ARHGAP24: variants seen among roughly 807,000 people sequenced by gnomAD.
ARHGAP24 encodes Rho GTPase activating protein 24.
A neutral mutation model predicts 76.4 loss-of-function variants in ARHGAP24; 50 were observed. The ratio of observed to expected loss-of-function variants is 0.65; its 90% CI spans 0.52 to 0.83. ARHGAP24 has a LOEUF of 0.83. ARHGAP24 is among the 40% of genes least tolerant of loss of function. The pLI is 0.00. For synonymous variants in ARHGAP24, 345 were observed against 323.3 expected (o/e 1.07, Z -0.72); for missense variants, 930 against 914.2 (o/e 1.02, Z -0.22).
chr4:85,656,267 T>A (rs1722166244), intron 2 of ARHGAP24, among the ~76,000 whole-genome samples: 1 of 152,178 alleles, frequency 6.6e-6, no homozygotes, highest in African/African-American at 2.4e-5. Flanking sequence ...CCACTGAATT[T>A]GAAATTAAAA....
intron 2 of ARHGAP24, among the ~76,000 whole-genome samples, chr4:85,709,739 A>G (rs1724454773): frequency 6.6e-6 from 1 of 152,192 alleles, no homozygotes; most frequent in Non-Finnish European, 1.5e-5. Flanking sequence ...AACAACTGTC[A>G]AGACACAAAC....
rs1234188635 is a variant in ARHGAP24 at position 85,711,587 on chromosome 4, T to C, written c.181-10298T>C. Among the ~76,000 whole-genome samples the C allele has an allele frequency of 2.6e-5, 4 of 152,288 alleles. No individual in the cohort carries two copies. The East Asian group carries it at 7.7e-4, about 29-fold the overall frequency. ...GCAACTGTGTGATTAAGTCCCAAAT[T>C]GCTTCTTCCTGCTGAGACATTGTTC... On this transcript the variant is annotated intron_variant, in intron 2 of 9. Transcript: ENST00000395184.
intron 2 of ARHGAP24, among the ~76,000 whole-genome samples, chr4:85,639,698 A>G (rs930238243): frequency 3.0e-4 from 14 of 46,560 alleles, no homozygotes; most frequent in Non-Finnish European, 6.1e-4. Context: ...GGAGGGAATA[A>G]TTGGTAAAAA....
At chr4:85,823,784 A>C (rs1729581634) in intron 3 of ARHGAP24, among the ~76,000 whole-genome samples, 1 of 152,100 alleles carries the variant, frequency 6.6e-6, no homozygotes, top group South Asian at 2.1e-4. Flanking sequence ...GAGTTCACAA[A>C]GGGATAATCT....
At chr4:85,623,829 A>G (rs912796274) in intron 2 of ARHGAP24, among the ~76,000 whole-genome samples, 1 of 150,972 alleles carries the variant, frequency 6.6e-6, no homozygotes, top group Admixed American at 6.7e-5. Flanking sequence ...TTGGATTCCT[A>G]GGTATTTTAT....
chr4:85,910,898 G>A (rs1735038305), intron 3 of ARHGAP24, among the ~76,000 whole-genome samples: 1 of 151,976 alleles, frequency 6.6e-6, no homozygotes, highest in African/African-American at 2.4e-5. Flanking sequence ...GGCCTCACCC[G>A]AGACCCACCC....
intron 1 of ARHGAP24, among the ~76,000 whole-genome samples, chr4:85,544,768 A>T (rs1460467839): frequency 6.6e-6 from 1 of 152,196 alleles, no homozygotes; most frequent in Non-Finnish European, 1.5e-5. Context: ...TTAAAATATG[A>T]TGGATTCCAG....
At chr4:85,906,841 A>G (rs1024408358) in intron 3 of ARHGAP24, among the ~76,000 whole-genome samples, 2 of 152,092 alleles carry the variant, frequency 1.3e-5, no homozygotes, top group South Asian at 4.1e-4. Context: ...TTTTTTTTAT[A>G]TTTAAACAGG....
chr4:85,718,101 G>A lies in ARHGAP24; in HGVS notation c.181-3784G>A, dbSNP rs1724798895. On this transcript the variant is annotated intron_variant, in intron 2 of 9. Coordinates refer to ENST00000395184, the MANE Select transcript of ARHGAP24 (RefSeq NM_001025616.3). ...TTATCTCTTAGGTATTTGCCCTAAAGGAATACATTAGGGAGAAGCTCAAAG... is the reference window on the plus strand; with the variant it reads ...TTATCTCTTAGGTATTTGCCCTAAAAGAATACATTAGGGAGAAGCTCAAAG... Among the ~76,000 whole-genome samples the A allele has an allele frequency of 2.6e-5, 4 of 152,062 alleles. No individual in the cohort carries two copies. The South Asian group carries it at 8.3e-4, about 32-fold the overall frequency.
chr4:85,996,008 G>C (rs1415355832), intron 9 of ARHGAP24, among the ~76,000 whole-genome samples: 1 of 152,328 alleles, frequency 6.6e-6, no homozygotes, highest in East Asian at 1.9e-4. Flanking sequence ...GAGATGGACA[G>C]AGCATTAGGA....
intron 3 of ARHGAP24, among the ~76,000 whole-genome samples, chr4:85,895,158 C>T (rs1018310170): frequency 2.0e-5 from 3 of 151,908 alleles, no homozygotes; most frequent in African/African-American, 7.3e-5. Context: ...CACTGAAGAA[C>T]TTATCCATGT....
intron 3 of ARHGAP24, among the ~76,000 whole-genome samples, chr4:85,792,711 G>A (rs1449018421): frequency 6.6e-6 from 1 of 152,142 alleles, no homozygotes; most frequent in East Asian, 1.9e-4. Flanking sequence ...TATTTTCTCA[G>A]GAAATATCTG....
intron 2 of ARHGAP24, among the ~76,000 whole-genome samples, chr4:85,644,562 G>A (rs928825151): frequency 2.6e-5 from 4 of 151,952 alleles, no homozygotes; most frequent in Admixed American, 6.6e-5. Flanking sequence ...TTATTCTTAA[G>A]ATAGAGATAA....
rs145015286 is a variant in ARHGAP24 at position 85,866,441 on chromosome 4, T to G, written c.269-57207T>G. Among the ~76,000 whole-genome samples, 377 of 152,254 alleles carry G rather than the reference T, an allele frequency of 2.5e-3. 2 individuals are homozygous for G. The highest frequency in any genetic ancestry group is 8.7e-3 in the African/African-American group (360 of 41,554). ...AGTCTCTTCATGAGTTTTTGGCATT[T>G]TTTTGTTTTGTTTTGTTTCCCCCAC... On this transcript the variant is annotated intron_variant, in intron 3 of 9. Transcript: ENST00000395184.
intron 2 of ARHGAP24, among the ~76,000 whole-genome samples, chr4:85,700,167 G>A (rs1228909261): frequency 2.6e-5 from 4 of 152,134 alleles, no homozygotes; most frequent in Admixed American, 6.5e-5. Context: ...GGCAGAGGTG[G>A]GTGAATCACC....
intron 3 of ARHGAP24, among the ~76,000 whole-genome samples, chr4:85,838,809 C>A (rs920877519): frequency 3.3e-5 from 5 of 152,146 alleles, no homozygotes; most frequent in African/African-American, 9.7e-5. Flanking sequence ...CCTCCCTCCC[C>A]CAAGCTAACT....
At chr4:85,764,370 G>A (rs76090013) in intron 3 of ARHGAP24, among the ~76,000 whole-genome samples, 4,018 of 152,144 alleles carry the variant, frequency 0.026, 80 homozygotes, top group Middle Eastern at 0.048. Flanking sequence ...TTCTACACAG[G>A]AATACTAAAC....
chr4:85,571,229 A>G (rs1162093402), intron 2 of ARHGAP24, among the ~76,000 whole-genome samples: 1 of 152,254 alleles, frequency 6.6e-6, no homozygotes, highest in Non-Finnish European at 1.5e-5. Context: ...ACCAGCATAC[A>G]TAATGTACCA....
intron 2 of ARHGAP24, among the ~76,000 whole-genome samples, chr4:85,614,878 G>A (rs1386094097): frequency 2.0e-5 from 3 of 152,064 alleles, no homozygotes; most frequent in Admixed American, 1.3e-4. Flanking sequence ...TAGGCCATCA[G>A]AGTCACACGA....
Sources: allele counts gnomAD v4.1 joint callset (sites outside exome capture counted in the v4.1 genomes callset), GRCh38; gene constraint gnomAD v4.1.1; transcripts MANE v1.5; gene names NCBI Gene and HGNC (gene_info 2026-07-23, HGNC 2026-07-21).